UXS1: variants seen among roughly 807,000 people sequenced by gnomAD.
UXS1 encodes UDP-glucuronate decarboxylase 1, also known as UDP-glucuronic acid decarboxylase 1.
In UXS1, 33 loss-of-function variants were observed where a neutral mutation model predicts 62.6. That is an observed-to-expected ratio of 0.53 (90% CI 0.40 to 0.70). The LOEUF (loss-of-function observed/expected upper bound fraction) is 0.70, where lower values mean the gene tolerates loss of function less well. Ranked by LOEUF, UXS1 falls within the 30% of genes least tolerant of loss-of-function variation. The probability of loss-of-function intolerance (pLI) is 0.00; values close to 1 mark genes in which losing one functional copy is unlikely to be tolerated. For synonymous variants in UXS1, 213 were observed against 206.8 expected (o/e 1.03, Z -0.26); for missense variants, 434 against 556.3 (o/e 0.78, Z 2.21).
intron 6 of UXS1, among the ~76,000 whole-genome samples, chr2:106,143,407 T>TAAAAAAAA (rs1681293011): frequency 1.5e-4 from 1 of 6,638 alleles, no homozygotes; most frequent in Non-Finnish European, 2.6e-4. Flanking sequence ...AGACTCCGTC[T>TAAAAAAAA]CAAAAAAAAA....
intron 6 of UXS1, among the ~76,000 whole-genome samples, chr2:106,130,111 A>C (rs1680311306): frequency 6.6e-6 from 1 of 152,148 alleles, no homozygotes; most frequent in Non-Finnish European, 1.5e-5. Context: ...TTTTTCAGAC[A>C]CAGAATTAAT....
At chr2:106,098,905 G>A (rs964305805) in intron 12 of UXS1, 132 bp from the exon 13 acceptor site, 16 of 743,196 alleles carry the variant, frequency 2.2e-5, no homozygotes, top group Middle Eastern at 4.7e-4. Context: ...GCAGAGCTCC[G>A]TGTGCCAGAG....
At chr2:106,098,140 T>C (rs909754246) in intron 13 of UXS1, among the ~76,000 whole-genome samples, 17 of 152,038 alleles carry the variant, frequency 1.1e-4, no homozygotes, top group Non-Finnish European at 1.2e-4. Flanking sequence ...CCTCCAAGAG[T>C]CTGACTCCTC....
intron 6 of UXS1, among the ~76,000 whole-genome samples, chr2:106,141,406 G>A (rs1295187207): frequency 6.6e-6 from 1 of 152,216 alleles, no homozygotes; most frequent in Non-Finnish European, 1.5e-5. Context: ...GAGGAGAGCT[G>A]AGAACTGGCA....
At chr2:106,124,393 T>A (rs6543376) in intron 8 of UXS1, among the ~76,000 whole-genome samples, 127,863 of 152,190 alleles carry the variant, frequency 0.84, 54,547 homozygotes, top group Non-Finnish European at 0.93. Flanking sequence ...CACCGTGGAA[T>A]AAAACAGGGA....
chr2:106,101,400 G>C (rs750261953), intron 11 of UXS1: 1 of 378,950 alleles, frequency 2.6e-6, no homozygotes, highest in African/African-American at 2.1e-5. Context: ...GGCTGAGTTC[G>C]CCACTGCATT....
At chr2:106,122,365 A>G (rs1307958422) in intron 9 of UXS1, among the ~76,000 whole-genome samples, 3 of 152,030 alleles carry the variant, frequency 2.0e-5, no homozygotes, top group African/African-American at 7.2e-5. Flanking sequence ...GGCTTCACAA[A>G]CCCTGTGTCA....
chr2:106,130,294 G>A (rs922124251), intron 6 of UXS1, among the ~76,000 whole-genome samples: 2 of 152,146 alleles, frequency 1.3e-5, no homozygotes, highest in Non-Finnish European at 2.9e-5. Flanking sequence ...GAATGGCAAA[G>A]CAATTCAGAT....
chr2:106,163,799 A>G lies in UXS1; in HGVS notation c.187-89T>C, dbSNP rs187611935. 435 of 752,724 alleles carry G rather than the reference A, an allele frequency of 5.8e-4. No homozygotes were observed. The African/African-American group carries it at 7.5e-3, about 13-fold the overall frequency. The allele number at this position is 752,724 out of a possible 1,614,324, so 46.6% of individuals were successfully genotyped here. A position where few individuals can be genotyped will look rare whatever the true frequency, so the allele number is the denominator to read the frequency against. On this transcript the variant is annotated intron_variant, in intron 3 of 14. Transcript: ENST00000283148. ...CATTCTGATGTTTCAGATAAGGCAAAACAGGTTTTAATTTCTTCTACAAAT... is the reference window on the plus strand; with the variant it reads ...CATTCTGATGTTTCAGATAAGGCAAGACAGGTTTTAATTTCTTCTACAAAT...
intron 10 of UXS1, among the ~76,000 whole-genome samples, chr2:106,111,289 A>C (rs1233556142): frequency 6.6e-6 from 1 of 152,188 alleles, no homozygotes; most frequent in Non-Finnish European, 1.5e-5. Context: ...ATGTGTAGTC[A>C]CAGAGCCTCC....
intron 4 of UXS1, among the ~76,000 whole-genome samples, chr2:106,158,367 G>T (rs529536636): frequency 5.9e-5 from 9 of 152,286 alleles, no homozygotes; most frequent in Admixed American, 2.6e-4. Context: ...AAGCAAAAGC[G>T]CAAGGAGCTA....
intron 3 of UXS1, among the ~76,000 whole-genome samples, chr2:106,164,458 CAATCACTTCCCTTTCTCTAAAA>C (rs2105060047): frequency 6.6e-6 from 1 of 152,328 alleles, no homozygotes; most frequent in Non-Finnish European, 1.5e-5. Context: ...CTCCCAAAGG[CAATCACTTCCCTTTCTCTAAAA>C]AACGCTTACC....
intron 4 of UXS1, among the ~76,000 whole-genome samples, chr2:106,160,924 T>A (rs2105050189): frequency 6.6e-6 from 1 of 152,354 alleles, no homozygotes; most frequent in East Asian, 1.9e-4. Context: ...ATTAAACTTT[T>A]AAAAAACTAT....
chr2:106,142,119 T>TC (rs1437386270), intron 6 of UXS1, among the ~76,000 whole-genome samples: 1 of 151,922 alleles, frequency 6.6e-6, no homozygotes, highest in Non-Finnish European at 1.5e-5. Flanking sequence ...TGATCCACCC[T>TC]CCTTGGCCTC....
At chr2:106,172,138 T>C (rs1683603651) in intron 1 of UXS1, among the ~76,000 whole-genome samples, 1 of 152,180 alleles carries the variant, frequency 6.6e-6, no homozygotes. Context: ...ATGGGGTCTG[T>C]GATGGAAATG....
At chr2:106,114,142 C>A (rs1678873111) in intron 9 of UXS1, among the ~76,000 whole-genome samples, 1 of 152,192 alleles carries the variant, frequency 6.6e-6, no homozygotes, top group African/African-American at 2.4e-5. Context: ...CCTCGGCCCA[C>A]AGCAGGCTTG....
At chr2:106,118,334 T>C (rs188912265) in intron 9 of UXS1, among the ~76,000 whole-genome samples, 1 of 152,056 alleles carries the variant, frequency 6.6e-6, no homozygotes, top group African/African-American at 2.4e-5. Flanking sequence ...GCCATTAGAC[T>C]AGGTGATTTC....
Position 106,099,187 on chromosome 2 carries a change from G to A in UXS1, c.985-414C>T, listed in dbSNP as rs1415028434. ...TGTGTTAACCATGTCAGTGATGAAGGACTTGTAATCTCACACCCAAAAGCT... is the reference window on the plus strand; with the variant it reads ...TGTGTTAACCATGTCAGTGATGAAGAACTTGTAATCTCACACCCAAAAGCT... On this transcript the variant is annotated intron_variant, in intron 12 of 14. Coordinates refer to ENST00000283148, the MANE Select transcript of UXS1 (RefSeq NM_001253875.2). Among the ~76,000 whole-genome samples the A allele has an allele frequency of 2.0e-5, 3 of 152,164 alleles. No homozygotes were observed. In the South Asian group the frequency reaches 6.2e-4, roughly 32 times the overall value.
intron 1 of UXS1, among the ~76,000 whole-genome samples, chr2:106,191,203 A>G (rs1684908931): frequency 6.6e-6 from 1 of 152,130 alleles, no homozygotes; most frequent in South Asian, 2.1e-4. Context: ...TAAGGAGGAG[A>G]AGGAGAAAGG....
Sources: allele counts gnomAD v4.1 joint callset (sites outside exome capture counted in the v4.1 genomes callset), GRCh38; gene constraint gnomAD v4.1.1; transcripts MANE v1.5; gene names NCBI Gene and HGNC (gene_info 2026-07-23, HGNC 2026-07-21).